Variants in S100Z observed in about 807,000 individuals in gnomAD.
S100Z encodes protein S100-Z.
S100Z carries 11 observed loss-of-function variants against 8.5 expected under a neutral mutation model. The observed-to-expected ratio is 1.30, with a 90% CI of 0.82 to 2.15. The LOEUF (loss-of-function observed/expected upper bound fraction) is 2.15. Among genes scored for constraint, S100Z ranks in the 30% most tolerant of loss-of-function variants. S100Z has a pLI of 0.00. For missense variants in S100Z, 126 were observed against 117.9 expected (o/e 1.07, Z -0.32); for synonymous variants, 34 against 43.8 (o/e 0.78, Z 0.89).
chr5:76,869,150 G>A (rs1742902491), intron 1 of S100Z, among the ~76,000 whole-genome samples: 1 of 152,128 alleles, frequency 6.6e-6, no homozygotes, highest in Admixed American at 6.5e-5. Flanking sequence ...GCCTGTCCCT[G>A]TGCTAAATGC....
chr5:76,931,702 G>A, the S100Z span, among the ~76,000 whole-genome samples: 1 of 152,200 alleles, frequency 6.6e-6, no homozygotes, highest in Non-Finnish European at 1.5e-5. Flanking sequence ...TGCATTAGGA[G>A]GCCACTGACT....
At chr5:76,890,203 T>A (rs1360933645) in intron 4 of S100Z, among the ~76,000 whole-genome samples, 1 of 152,090 alleles carries the variant, frequency 6.6e-6, no homozygotes, top group Non-Finnish European at 1.5e-5. Context: ...TTTATATTTT[T>A]AGTAGAGATG....
chr5:76,893,738 G>A (rs1743943142), intron 4 of S100Z, among the ~76,000 whole-genome samples: 1 of 152,108 alleles, frequency 6.6e-6, no homozygotes, highest in African/African-American at 2.4e-5. Context: ...AGGAGAAAGA[G>A]GTGTGTGGGT....
intron 4 of S100Z, among the ~76,000 whole-genome samples, chr5:76,898,067 T>C (rs1744101706): frequency 6.6e-6 from 1 of 152,328 alleles, no homozygotes; most frequent in Middle Eastern, 3.4e-3. Context: ...TCCCAGATCT[T>C]AGACGAGAGA....
intron 4 of S100Z, among the ~76,000 whole-genome samples, chr5:76,887,598 A>G (rs1251544449): frequency 6.6e-6 from 1 of 151,664 alleles, no homozygotes; most frequent in African/African-American, 2.4e-5. Context: ...GGGTCTCACC[A>G]TGTTGGCCAG....
At chr5:76,887,466 C>A (rs1743688021) in intron 4 of S100Z, among the ~76,000 whole-genome samples, 1 of 132,326 alleles carries the variant, frequency 7.6e-6, no homozygotes, top group Non-Finnish European at 1.5e-5. Flanking sequence ...GTGGCACTAT[C>A]TTGGCTCACT....
In S100Z at chr5:76,885,881, G is replaced by A. The variant is rs527759451; in HGVS notation, c.*2+8047G>A. On this transcript the variant is annotated intron_variant, in intron 4 of 4. Coordinates refer to ENST00000317593, the MANE Select transcript of S100Z (RefSeq NM_130772.4). ...TGCTTGTTCCCCAGAAAAGTGGAGA[G>A]AAAAGAGAGAGTAGAGGCATGGAGA... Among the ~76,000 whole-genome samples the A allele has an allele frequency of 1.4e-3, 199 of 146,516 alleles. 1 individual carries two copies. In the Middle Eastern group the frequency reaches 0.022, roughly 16 times the overall value.
chr5:76,952,872 A>G, the S100Z span: 1 of 495,274 alleles, frequency 2.0e-6, no homozygotes, highest in South Asian at 2.9e-5. Flanking sequence ...TTCTTGGTGA[A>G]TAATGCTGGG....
At chr5:76,929,207 A>G in the S100Z span, among the ~76,000 whole-genome samples, 2 of 152,224 alleles carry the variant, frequency 1.3e-5, no homozygotes, top group South Asian at 4.1e-4. Flanking sequence ...TTGGTCTTTG[A>G]GTTATATAAT....
the S100Z span, among the ~76,000 whole-genome samples, chr5:76,939,153 T>G: frequency 6.7e-6 from 1 of 149,696 alleles, no homozygotes; most frequent in Non-Finnish European, 1.5e-5. Flanking sequence ...GCTGCAAATT[T>G]TTTTTTTTTT....
chr5:76,896,727 A>G (rs1218747127), intron 4 of S100Z, among the ~76,000 whole-genome samples: 1 of 152,178 alleles, frequency 6.6e-6, no homozygotes, highest in African/African-American at 2.4e-5. Flanking sequence ...GATATAAGTA[A>G]TTTTAACCCG....
At chr5:76,871,520 CTTTTTT>C (rs565094996) in intron 2 of S100Z, among the ~76,000 whole-genome samples, 2 of 125,124 alleles carry the variant, frequency 1.6e-5, no homozygotes, top group East Asian at 2.4e-4. Flanking sequence ...ATCAGAAACT[CTTTTTT>C]TTTTTTTTTT....
chr5:76,898,426 A>C (rs1744114090), intron 4 of S100Z, among the ~76,000 whole-genome samples: 1 of 152,016 alleles, frequency 6.6e-6, no homozygotes. Flanking sequence ...CGGCCTCCCA[A>C]AGTGCTGGGA....
intron 4 of S100Z, among the ~76,000 whole-genome samples, chr5:76,880,751 G>T (rs1191285267): frequency 6.6e-6 from 1 of 152,138 alleles, no homozygotes; most frequent in African/African-American, 2.4e-5. Context: ...TTGAGTTTTT[G>T]GGTGCTATCC....
At chr5:76,860,608 A>G (rs11948063) in intron 1 of S100Z, among the ~76,000 whole-genome samples, 12,459 of 152,184 alleles carry the variant, frequency 0.082, 830 homozygotes, top group African/African-American at 0.19. Flanking sequence ...TGCTCAGCTG[A>G]TGCTGAGGAG....
intron 1 of S100Z, among the ~76,000 whole-genome samples, chr5:76,854,042 C>T (rs1750808022): frequency 6.6e-6 from 1 of 152,156 alleles, no homozygotes; most frequent in South Asian, 2.1e-4. Flanking sequence ...TCGAAAGTTT[C>T]CTGAGGCCTC....
downstream of S100Z, among the ~76,000 whole-genome samples, chr5:76,922,664 C>A (rs1036464557): frequency 1.3e-5 from 2 of 152,168 alleles, no homozygotes; most frequent in African/African-American, 4.8e-5. Context: ...GCTGGGACTA[C>A]AGGCACCCGC....
intron 3 of S100Z, among the ~76,000 whole-genome samples, chr5:76,876,460 C>T (rs1051008964): frequency 2.0e-5 from 3 of 151,888 alleles, no homozygotes; most frequent in African/African-American, 4.8e-5. Flanking sequence ...TCTCCACCTC[C>T]CAGGTTCGAG....
At chr5:76,936,863 G>T in the S100Z span, among the ~76,000 whole-genome samples, 1 of 152,028 alleles carries the variant, frequency 6.6e-6, no homozygotes, top group African/African-American at 2.4e-5. Flanking sequence ...AGGAGCACTG[G>T]GAAAGGTTGT....
Sources: gnomAD v4.1 joint callset for allele counts (sites outside exome capture counted in the v4.1 genomes callset) on GRCh38, gnomAD v4.1.1 for gene constraint, MANE v1.5 for transcripts, NCBI Gene and HGNC (gene_info 2026-07-23, HGNC 2026-07-21) for gene names.